OTOGL: variants seen among roughly 807,000 people sequenced by gnomAD.
The protein encoded by OTOGL is otogelin like, also known as otogelin-like protein.
Under a neutral mutation model 318.5 loss-of-function variants are expected in OTOGL, and 285 were observed. The observed-to-expected ratio is 0.89, with a 90% confidence interval of 0.81 to 0.99. The LOEUF is 0.99. Ranked by LOEUF, OTOGL falls within the 50% of genes least tolerant of loss-of-function variation. The probability of loss-of-function intolerance (pLI) is 0.00; values close to 1 mark genes in which losing one functional copy is unlikely to be tolerated. For synonymous variants in OTOGL, 987 were observed against 936.5 expected (o/e 1.05, Z -0.99); for missense variants, 2,899 against 2,845.6 (o/e 1.02, Z -0.43).
intron 20 of OTOGL, chr12:80,265,969 G>C (rs1157477707): frequency 6.6e-6 from 1 of 152,660 alleles, no homozygotes; most frequent in African/African-American, 2.4e-5. Context: ...TTTAATCACA[G>C]ACCCAGCAGT....
chr12:80,177,863 G>A (rs1481739412), intron 1 of OTOGL, among the ~76,000 whole-genome samples: 1 of 151,882 alleles, frequency 6.6e-6, no homozygotes, highest in Non-Finnish European at 1.5e-5. Flanking sequence ...CTTTAGTCTA[G>A]GGCTAATTTT....
intron 14 of OTOGL, among the ~76,000 whole-genome samples, chr12:80,253,967 GCTAA>G (rs1881800654): frequency 6.6e-6 from 1 of 152,024 alleles, no homozygotes; most frequent in Admixed American, 6.6e-5. Flanking sequence ...TATTAAATTT[GCTAA>G]CTAACACTGT....
At chr12:80,343,450 A>G (rs1888913820) in intron 44 of OTOGL, 1 of 143,854 alleles carries the variant, frequency 7.0e-6, no homozygotes, top group Admixed American at 6.9e-5. Flanking sequence ...AATAGTTTTT[A>G]CACTGTATTA....
chr12:80,268,945 C>A (rs1177985878), intron 22 of OTOGL, among the ~76,000 whole-genome samples: 3 of 149,954 alleles, frequency 2.0e-5, no homozygotes, highest in Non-Finnish European at 4.4e-5. Flanking sequence ...GAAAAAAAAT[C>A]AAAATTCACT....
At chr12:80,255,343 A>G (rs949621116) in intron 16 of OTOGL, among the ~76,000 whole-genome samples, 158 bp downstream of exon 16, 2 of 152,036 alleles carry the variant, frequency 1.3e-5, no homozygotes, top group Non-Finnish European at 2.9e-5. Context: ...TACATATTAG[A>G]AAGAAGTGTT....
chr12:80,310,989 A>G (rs1202031100), intron 30 of OTOGL, among the ~76,000 whole-genome samples: 3 of 152,218 alleles, frequency 2.0e-5, no homozygotes, highest in Non-Finnish European at 4.4e-5. Context: ...ATGGAACATT[A>G]TTTACATACA....
At chr12:80,164,073 C>G (rs775597329) in intron 1 of OTOGL, among the ~76,000 whole-genome samples, 56 of 152,044 alleles carry the variant, frequency 3.7e-4, no homozygotes, top group Non-Finnish European at 6.2e-4. Flanking sequence ...ATAGGGTACC[C>G]AAAATCTTGG....
chr12:80,284,443 G>A (rs1432210752), intron 26 of OTOGL, among the ~76,000 whole-genome samples: 1 of 152,156 alleles, frequency 6.6e-6, no homozygotes, highest in East Asian at 1.9e-4. Context: ...AGATCCTTGA[G>A]GAATTGCTAC....
At chr12:80,162,425 C>T (rs984596279) in intron 1 of OTOGL, among the ~76,000 whole-genome samples, 2 of 152,090 alleles carry the variant, frequency 1.3e-5, no homozygotes, top group Non-Finnish European at 2.9e-5. Context: ...TAAGTATACA[C>T]AAGGACACCT....
intron 1 of OTOGL, among the ~76,000 whole-genome samples, chr12:80,196,339 T>C (rs912842590): frequency 2.0e-5 from 3 of 152,258 alleles, no homozygotes; most frequent in Non-Finnish European, 4.4e-5. Flanking sequence ...TCTATCATTG[T>C]TGATGTGATA....
At chr12:80,123,706 C>T (rs564337661) in intron 1 of OTOGL, among the ~76,000 whole-genome samples, 1 of 152,022 alleles carries the variant, frequency 6.6e-6, no homozygotes, top group African/African-American at 2.4e-5. Flanking sequence ...CCTGTTGTTT[C>T]CTGACTTTTT....
intron 1 of OTOGL, among the ~76,000 whole-genome samples, chr12:80,128,482 G>A (rs1251359450): frequency 6.6e-6 from 1 of 152,212 alleles, no homozygotes; most frequent in Admixed American, 6.5e-5. Flanking sequence ...GGGTACTCGG[G>A]GGTCAGGGAC....
intron 1 of OTOGL, among the ~76,000 whole-genome samples, chr12:80,153,828 G>C (rs1872943999): frequency 6.6e-6 from 1 of 152,088 alleles, no homozygotes; most frequent in South Asian, 2.1e-4. Flanking sequence ...TTTCAGATTG[G>C]CTTTTTTCAC....
chr12:80,100,353 T>G (rs180698786), intron 1 of OTOGL, among the ~76,000 whole-genome samples: 70 of 152,282 alleles, frequency 4.6e-4, no homozygotes, highest in African/African-American at 1.6e-3. Flanking sequence ...AAAAATATGA[T>G]AAATGCTTGA....
intron 52 of OTOGL, among the ~76,000 whole-genome samples, chr12:80,363,434 G>A (rs767688324): frequency 2.6e-5 from 4 of 152,150 alleles, no homozygotes; most frequent in Non-Finnish European, 5.9e-5. Context: ...AGCCATTTAC[G>A]AATGAACATC....
chr12:80,266,931 C>G (rs146065799), intron 21 of OTOGL, among the ~76,000 whole-genome samples: 2 of 152,050 alleles, frequency 1.3e-5, no homozygotes, highest in African/African-American at 4.8e-5. Flanking sequence ...AATTTACACA[C>G]GAAGTAAAGC....
chr12:80,158,522 G>A (rs1448308568), intron 1 of OTOGL, among the ~76,000 whole-genome samples: 1 of 151,894 alleles, frequency 6.6e-6, no homozygotes, highest in African/African-American at 2.4e-5. Context: ...AAGGCATTCT[G>A]AGTATAAATA....
intron 1 of OTOGL, among the ~76,000 whole-genome samples, chr12:80,191,428 G>A (rs771290936): frequency 7.9e-5 from 12 of 152,078 alleles, no homozygotes; most frequent in African/African-American, 2.7e-4. Context: ...ACAGAGCAAG[G>A]CCTCAAAATA....
chr12:80,287,594 G>A (rs935594995), intron 26 of OTOGL, among the ~76,000 whole-genome samples: 3 of 152,046 alleles, frequency 2.0e-5, no homozygotes, highest in South Asian at 2.1e-4. Flanking sequence ...TATTGGGTGC[G>A]TATGTATTTA....
Sources: gnomAD v4.1 joint callset for allele counts (sites outside exome capture counted in the v4.1 genomes callset) on GRCh38, gnomAD v4.1.1 for gene constraint, MANE v1.5 for transcripts, NCBI Gene and HGNC (gene_info 2026-07-23, HGNC 2026-07-21) for gene names.